Variants in ATXN8OS observed in about 807,000 individuals in gnomAD.
The protein encoded by ATXN8OS is ATXN8 opposite strand lncRNA, also known as ATXN8 opposite strand (non-protein coding).
chr13:70,126,984 CTATAA>C (rs1003604240), intron 2 of ATXN8OS, among the ~76,000 whole-genome samples: 1 of 151,672 alleles, frequency 6.6e-6, no homozygotes, highest in African/African-American at 2.4e-5. Context: ...CATATATCAA[CTATAA>C]TATGTTTTGG....
intron 4 of ATXN8OS, among the ~76,000 whole-genome samples, chr13:70,163,058 T>C (rs1889029413): frequency 6.6e-6 from 1 of 152,098 alleles, no homozygotes; most frequent in Non-Finnish European, 1.5e-5. Flanking sequence ...TTAAAATTAA[T>C]TTTCTTCTTA....
chr13:70,115,774 T>A (rs577375723), intron 2 of ATXN8OS, among the ~76,000 whole-genome samples: 310 of 152,230 alleles, frequency 2.0e-3, no homozygotes, highest in African/African-American at 6.2e-3. Context: ...ATACTTTTTT[T>A]AAAAAGTACT....
intron 4 of ATXN8OS, among the ~76,000 whole-genome samples, chr13:70,162,247 T>C (rs1210482464): frequency 6.6e-6 from 1 of 151,910 alleles, no homozygotes; most frequent in Non-Finnish European, 1.5e-5. Context: ...CTAAAGACAG[T>C]TAAAAATAAA....
At chr13:70,145,997 T>G (rs1207878618) in intron 3 of ATXN8OS, among the ~76,000 whole-genome samples, 1 of 141,606 alleles carries the variant, frequency 7.1e-6, no homozygotes, top group Non-Finnish European at 1.5e-5. Context: ...GGGAGAAAAT[T>G]TTCACAACCT....
intron 4 of ATXN8OS, among the ~76,000 whole-genome samples, chr13:70,165,239 T>G (rs141510337): frequency 6.6e-6 from 1 of 151,216 alleles, no homozygotes; most frequent in Non-Finnish European, 1.5e-5. Context: ...CATAGAAGAG[T>G]AACAAAAAAA....
chr13:70,130,787 T>G (rs1888520816), intron 3 of ATXN8OS: 1 of 398,378 alleles, frequency 2.5e-6, no homozygotes, highest in Admixed American at 4.4e-5. Context: ...AGACTTCACC[T>G]CGGAGTACCT....
chr13:70,146,799 G>A (rs1009943003), intron 3 of ATXN8OS, among the ~76,000 whole-genome samples: 14 of 151,800 alleles, frequency 9.2e-5, no homozygotes, highest in Non-Finnish European at 1.6e-4. Flanking sequence ...AGCATTAGGA[G>A]ATATACCTAA....
At position 70,167,723 on chromosome 13, in the gene ATXN8OS, CTTTTTTT is replaced by C. The variant is rs4053603; in HGVS notation, n.574-2010_574-2004del. Among the ~76,000 whole-genome samples the C allele has an allele frequency of 3.2e-3, 195 of 61,880 alleles. 2 individuals are homozygous for C. Among genetic ancestry groups the C allele is most frequent in the African/African-American group, 9.8e-3 (175 of 17,830 alleles). 40.6% of individuals were successfully genotyped at this position (61,880 alleles called of 152,430 possible). Reference sequence around the variant, plus strand: ...AATACTATCACAACATATGTAACTTCTTTTTTTTTTTTTTTTTTTTTTTTTTGAGACA... The same window carrying C: ...AATACTATCACAACATATGTAACTTCTTTTTTTTTTTTTTTTTTTGAGACA... On this transcript the variant is annotated intron_variant and non_coding_transcript_variant, in intron 4 of 4. Transcript: ENST00000678624.
chr13:70,154,658 T>G (rs1888914395), intron 4 of ATXN8OS, among the ~76,000 whole-genome samples: 2 of 152,206 alleles, frequency 1.3e-5, no homozygotes, highest in Non-Finnish European at 2.9e-5. Flanking sequence ...CTTGATAATA[T>G]CATCTAATGT....
chr13:70,132,498 C>G (rs1190964641), intron 3 of ATXN8OS, among the ~76,000 whole-genome samples: 2 of 151,808 alleles, frequency 1.3e-5, no homozygotes, highest in Non-Finnish European at 2.9e-5. Context: ...GGCTGAAAAA[C>G]TAACTCTTGG....
intron 2 of ATXN8OS, among the ~76,000 whole-genome samples, chr13:70,127,072 T>C (rs531348611): frequency 6.6e-6 from 1 of 151,876 alleles, no homozygotes; most frequent in African/African-American, 2.4e-5. Context: ...TCTATGTCTT[T>C]ATCTATTTCC....
chr13:70,138,306 T>C (rs2137489155), intron 3 of ATXN8OS, among the ~76,000 whole-genome samples: 1 of 111,618 alleles, frequency 9.0e-6, no homozygotes, highest in South Asian at 3.6e-4. Context: ...ATCCTGAAGA[T>C]GAGACCAGAT....
At chr13:70,147,911 G>A (rs1888809317) in intron 4 of ATXN8OS, among the ~76,000 whole-genome samples, 1 of 152,118 alleles carries the variant, frequency 6.6e-6, no homozygotes. Flanking sequence ...TACATGTAAA[G>A]CATATATTCA....
chr13:70,112,920 A>ATATATATATATTTT (rs1555298511), intron 1 of ATXN8OS, among the ~76,000 whole-genome samples: 3 of 87,590 alleles, frequency 3.4e-5, no homozygotes, highest in Non-Finnish European at 6.5e-5. Flanking sequence ...TATATATATA[A>ATATATATATATTTT]TTTTTTTTTT....
At chr13:70,113,845 T>C (rs1888236267) in intron 1 of ATXN8OS, among the ~76,000 whole-genome samples, 1 of 152,186 alleles carries the variant, frequency 6.6e-6, no homozygotes, top group South Asian at 2.1e-4. Flanking sequence ...CAAAAATGCA[T>C]GGCTTTAAAA....
intron 4 of ATXN8OS, among the ~76,000 whole-genome samples, chr13:70,153,535 A>G (rs1888899063): frequency 6.6e-6 from 1 of 152,192 alleles, no homozygotes; most frequent in Non-Finnish European, 1.5e-5. Flanking sequence ...ACATCGCACC[A>G]TTGCACTCCA....
chr13:70,166,486 C>A (rs1372022402), intron 4 of ATXN8OS, among the ~76,000 whole-genome samples: 1 of 151,966 alleles, frequency 6.6e-6, no homozygotes, highest in Non-Finnish European at 1.5e-5. Context: ...AACTGGATCC[C>A]TTCCTTACAC....
intron 4 of ATXN8OS, among the ~76,000 whole-genome samples, chr13:70,166,379 A>G (rs549731610): frequency 6.6e-6 from 1 of 152,170 alleles, no homozygotes; most frequent in East Asian, 1.9e-4. Context: ...CAACCATCTG[A>G]TCTTTGACAA....
intron 4 of ATXN8OS, among the ~76,000 whole-genome samples, chr13:70,166,763 C>G (rs1205807924): frequency 6.6e-6 from 1 of 152,042 alleles, no homozygotes; most frequent in East Asian, 1.9e-4. Flanking sequence ...TTTTTCCAAC[C>G]TACTCATCTG....
Sources: allele counts gnomAD v4.1 joint callset (sites outside exome capture counted in the v4.1 genomes callset), GRCh38; gene constraint gnomAD v4.1.1; transcripts MANE v1.5; gene names NCBI Gene and HGNC (gene_info 2026-07-23, HGNC 2026-07-21).